ATXN2: variants seen among roughly 807,000 people sequenced by gnomAD.
ATXN2 encodes the protein ataxin-2.
In ATXN2, 37 loss-of-function variants were observed where a neutral mutation model predicts 138.6. The ratio of observed to expected loss-of-function variants is 0.27; its 90% confidence interval spans 0.21 to 0.35. The LOEUF (loss-of-function observed/expected upper bound fraction) is 0.35. ATXN2 is among the 10% of genes least tolerant of loss of function. The probability of loss-of-function intolerance (pLI) is 1.00; values close to 1 mark genes in which losing one functional copy is unlikely to be tolerated. For missense variants in ATXN2, 1,216 were observed against 1,480.3 expected (o/e 0.82, Z 2.93); for synonymous variants, 549 against 543.7 (o/e 1.01, Z -0.13).
At chr12:111,474,936 G>C (rs775608048) in intron 18 of ATXN2, among the ~76,000 whole-genome samples, 1 of 151,864 alleles carries the variant, frequency 6.6e-6, no homozygotes, top group Non-Finnish European at 1.5e-5. Flanking sequence ...ATACAAGGCC[G>C]GGCGCAGTGG....
intron 1 of ATXN2, among the ~76,000 whole-genome samples, chr12:111,570,763 C>A (rs1782176501): frequency 6.6e-6 from 1 of 152,228 alleles, no homozygotes; most frequent in African/African-American, 2.4e-5. Context: ...TGCATGCCTG[C>A]CTTCTCTACT....
At chr12:111,537,276 G>A (rs1265766417) in intron 5 of ATXN2, among the ~76,000 whole-genome samples, 1 of 152,090 alleles carries the variant, frequency 6.6e-6, no homozygotes, top group African/African-American at 2.4e-5. Context: ...AACATACTAA[G>A]TGAAACAAGC....
At chr12:111,560,345 C>T (rs1021725340) in intron 1 of ATXN2, among the ~76,000 whole-genome samples, 5 of 152,052 alleles carry the variant, frequency 3.3e-5, no homozygotes, top group Admixed American at 6.6e-5. Context: ...GGATGTGCAC[C>T]GGTATATGCA....
chr12:111,454,758 G>GT (rs1874936854), intron 23 of ATXN2: 1 of 406,324 alleles, frequency 2.5e-6, no homozygotes, highest in Non-Finnish European at 4.6e-6. Context: ...GAGCTTCCCT[G>GT]TGTTAACCTT....
chr12:111,576,131 A>ACC (rs1566075076), intron 1 of ATXN2, among the ~76,000 whole-genome samples: 3 of 118,544 alleles, frequency 2.5e-5, no homozygotes, highest in African/African-American at 5.2e-5. Flanking sequence ...ATAACATAAC[A>ACC]TAACATCACA....
chr12:111,542,418 C>T (rs1881570475), intron 5 of ATXN2, among the ~76,000 whole-genome samples: 1 of 151,680 alleles, frequency 6.6e-6, no homozygotes, highest in African/African-American at 2.4e-5. Flanking sequence ...TTTAGTAGAG[C>T]CATGTCGGCC....
chr12:111,581,450 G>A (rs1883998796), intron 1 of ATXN2: 1 of 834,794 alleles, frequency 1.2e-6, no homozygotes, highest in East Asian at 2.6e-5. Context: ...GATGCTCAAG[G>A]AGGAGCAAGA....
At chr12:111,544,174 G>A (rs1881684763) in intron 5 of ATXN2, among the ~76,000 whole-genome samples, 1 of 152,100 alleles carries the variant, frequency 6.6e-6, no homozygotes, top group South Asian at 2.1e-4. Flanking sequence ...GTTTCACTAG[G>A]TACACAGTTT....
At chr12:111,480,808 T>C (rs191203753) in intron 18 of ATXN2, among the ~76,000 whole-genome samples, 3 of 152,304 alleles carry the variant, frequency 2.0e-5, no homozygotes, top group East Asian at 1.9e-4. Flanking sequence ...AAAGAGATTG[T>C]AGACTTAAAT....
chr12:111,483,548 G>A (rs773813442), intron 18 of ATXN2, among the ~76,000 whole-genome samples: 57 of 150,570 alleles, frequency 3.8e-4, no homozygotes, highest in Non-Finnish European at 7.2e-4. Context: ...GTAGAGACGG[G>A]TTTTCACCAT....
At chr12:111,587,224 C>T (rs550513858) in intron 1 of ATXN2, among the ~76,000 whole-genome samples, 3 of 151,670 alleles carry the variant, frequency 2.0e-5, no homozygotes, top group East Asian at 3.9e-4. Context: ...TTTATAAACC[C>T]GAAAAGAAAA....
At chr12:111,465,995 G>A (rs1191439623) in intron 20 of ATXN2, among the ~76,000 whole-genome samples, 23 of 149,986 alleles carry the variant, frequency 1.5e-4, no homozygotes, top group African/African-American at 5.6e-4. Context: ...GTGAAACCCT[G>A]TCTCTACTAA....
chr12:111,485,187 A>T (rs1877553680), intron 18 of ATXN2, 78 bp downstream of exon 18: 2 of 1,375,264 alleles, frequency 1.5e-6, no homozygotes, highest in African/African-American at 2.9e-5. Flanking sequence ...AACTACAACT[A>T]TTTATTCATT....
intron 1 of ATXN2, among the ~76,000 whole-genome samples, chr12:111,593,912 A>AT (rs999232491): frequency 1.3e-5 from 2 of 152,230 alleles, no homozygotes; most frequent in African/African-American, 2.4e-5. Context: ...ATGAAGCCAC[A>AT]TGACTAATTA....
At chr12:111,512,863 T>C (rs1283815035) in intron 11 of ATXN2, 1 of 152,604 alleles carries the variant, frequency 6.6e-6, no homozygotes, top group Non-Finnish European at 1.5e-5. Context: ...GAAATATAGT[T>C]GGGAATTAGT....
chr12:111,547,143 C>A (rs568642514), intron 5 of ATXN2, among the ~76,000 whole-genome samples: 2 of 152,304 alleles, frequency 1.3e-5, no homozygotes, highest in Non-Finnish European at 2.9e-5. Context: ...AAGGTTTCCC[C>A]AGCAGCCGAG....
At chr12:111,508,185 T>G (rs1228525872) in intron 14 of ATXN2, among the ~76,000 whole-genome samples, 1 of 151,046 alleles carries the variant, frequency 6.6e-6, no homozygotes, top group African/African-American at 2.4e-5. Context: ...TTATAGCAAA[T>G]TTAAGATTAT....
chr12:111,464,610 TA>T (rs1875860369), intron 21 of ATXN2, 51 bp downstream of exon 21: 2 of 1,451,434 alleles, frequency 1.4e-6, no homozygotes, highest in South Asian at 1.2e-5. Context: ...ATGTATCCTT[TA>T]AAAAGTGTTT....
chr12:111,507,570 C>T (rs930226372), intron 14 of ATXN2, among the ~76,000 whole-genome samples: 7 of 151,484 alleles, frequency 4.6e-5, no homozygotes, highest in Non-Finnish European at 8.8e-5. Flanking sequence ...CCAGCCGCCC[C>T]GTCCGGGAGG....
Sources: gnomAD v4.1 joint callset for allele counts (sites outside exome capture counted in the v4.1 genomes callset) on GRCh38, gnomAD v4.1.1 for gene constraint, MANE v1.5 for transcripts, NCBI Gene and HGNC (gene_info 2026-07-23, HGNC 2026-07-21) for gene names.